ZNF512: variants seen among roughly 807,000 people sequenced by gnomAD.
ZNF512 encodes the protein zinc finger protein 512.
In ZNF512, 25 loss-of-function variants were observed where a neutral mutation model predicts 77.5. The observed-to-expected ratio is 0.32, with a 90% confidence interval of 0.23 to 0.45. The LOEUF (loss-of-function observed/expected upper bound fraction) is 0.45, where lower values mean the gene tolerates loss of function less well. Ranked by LOEUF, ZNF512 falls within the 20% of genes least tolerant of loss-of-function variation. ZNF512 has a pLI of 1.00. For synonymous variants in ZNF512, 246 were observed against 239.9 expected, an observed-to-expected ratio of 1.03 and a Z score of -0.24; for missense variants, 483 against 692.6, an observed-to-expected ratio of 0.70 and a Z score of 3.40.
intron 2 of ZNF512, among the ~76,000 whole-genome samples, chr2:27,585,448 T>A (rs1671285002): frequency 6.6e-6 from 1 of 152,230 alleles, no homozygotes; most frequent in South Asian, 2.1e-4. Flanking sequence ...CCCCCATCCA[T>A]TAACCAGATT....
At chr2:27,604,912 C>G (rs1414628294) in intron 9 of ZNF512, among the ~76,000 whole-genome samples, 1 of 152,346 alleles carries the variant, frequency 6.6e-6, no homozygotes, top group East Asian at 1.9e-4. Flanking sequence ...TAGTTTTACC[C>G]TTTTCAGAAT....
chr2:27,603,222 A>C lies in ZNF512; in HGVS notation c.851A>C (p.Lys284Thr), dbSNP rs1253496434. ...KCGKGAAELE[K>T]MTLKCHHCGK... ...GGCAAAGGGGCTGCAGAGCTGGAAA[A>C]GATGACCCTGAAATGTCACCACTGT... The change falls in exon 9 of 14, where the codon AAG (lysine) becomes ACG (threonine). Residue 284 changes from lysine to threonine, a missense_variant. Around this residue, in one of 2 missense-constraint regions of ZNF512, gnomAD observed 324 missense variants for 525.0 expected, o/e 0.62. Coordinates refer to ENST00000355467, the MANE Select transcript of ZNF512 (RefSeq NM_032434.4). The C allele has an allele frequency of 6.2e-7, 1 of 1,614,204 alleles. No homozygotes were observed. The highest frequency in any genetic ancestry group is 2.2e-5 in the East Asian group (1 of 44,878).
At chr2:27,602,607 C>G (rs1672169548) in intron 8 of ZNF512, 46 bp downstream of exon 8, 1 of 1,520,070 alleles carries the variant, frequency 6.6e-7, no homozygotes, top group African/African-American at 1.4e-5. Context: ...ATTCTCAGGT[C>G]AATGTCTTTC....
chr2:27,621,016 C>A (rs553688317), intron 13 of ZNF512, 137 bp from the exon 14 acceptor site: 6 of 919,740 alleles, frequency 6.5e-6, no homozygotes, highest in Non-Finnish European at 9.7e-6. Flanking sequence ...ATATAGAATC[C>A]TGAGGTATGG....
chr2:27,606,087 T>G (rs1472220246), intron 9 of ZNF512, among the ~76,000 whole-genome samples: 1 of 3,438 alleles, frequency 2.9e-4, no homozygotes, highest in Non-Finnish European at 0.012. Flanking sequence ...TGACCATCTT[T>G]GCATGTGCTT....
In ZNF512 at chr2:27,599,676, A is replaced by G; in HGVS notation, c.371A>G (p.Tyr124Cys). Residue 124 changes from tyrosine (Y) to cysteine (C), a missense_variant and splice_region_variant, in exon 4 of 14, where the codon TAT (tyrosine) becomes TGT (cysteine). Physicochemically the swap from Tyr to Cys is radical, Grantham distance 194. This residue lies in a region of ZNF512 where 159 missense variants were observed against 167.5 expected (regional missense o/e 0.95). Transcript: ENST00000355467. ...REFPQKKHKL[Y>C]GRKQRPKTQP... is the part of the protein sequence containing the mutation. ...TTTCCTCAGAAGAAGCATAAGCTTT[A>G]TGGTAAGGCAGTAACTTTGCTACTT... 6.2e-7 allele frequency: 1 copy of G among 1,613,146 alleles called. No individual in the cohort carries two copies. The highest frequency in any genetic ancestry group is 8.5e-7 in the Non-Finnish European group (1 of 1,179,116).
chr2:27,600,900 T>A, intron 6 of ZNF512, 85 bp downstream of exon 6: 1 of 1,497,592 alleles, frequency 6.7e-7, no homozygotes, highest in Non-Finnish European at 9.0e-7. Flanking sequence ...ATGCTGGTTA[T>A]AATGGATGAA....
intron 9 of ZNF512, among the ~76,000 whole-genome samples, chr2:27,605,305 T>C (rs1672303668): frequency 6.6e-6 from 1 of 151,724 alleles, no homozygotes; most frequent in Non-Finnish European, 1.5e-5. Flanking sequence ...ATACAAAAAT[T>C]AGCTGGGTGT....
At chr2:27,610,760 A>G (rs1260188001) in intron 10 of ZNF512, among the ~76,000 whole-genome samples, 2 of 149,004 alleles carry the variant, frequency 1.3e-5, no homozygotes, top group Non-Finnish European at 3.0e-5. Context: ...TTTTGTAGAG[A>G]TGGGTTTTGC....
rs915571505 is a variant in ZNF512 at position 27,615,159 on chromosome 2, G to A, written c.1132-9G>A. On this transcript the variant is annotated splice_polypyrimidine_tract_variant and intron_variant, in intron 10 of 13. Transcript: ENST00000355467. ...TTTATCTAATGTTTCTGGTTGTCTT[G>A]TCTTGTAGTTAAAATATACTCGTCC... The A allele has an allele frequency of 2.6e-6, 4 of 1,541,656 alleles. No homozygotes were observed. In the African/African-American group the frequency reaches 4.2e-5, roughly 16 times the overall value.
chr2:27,595,308 T>C (rs556992950), intron 2 of ZNF512, among the ~76,000 whole-genome samples: 18 of 150,636 alleles, frequency 1.2e-4, no homozygotes, highest in South Asian at 8.4e-4. Flanking sequence ...CTTTTCTTTT[T>C]TTTTTTTTTT....
chr2:27,606,975 C>T (rs1672393922), intron 9 of ZNF512, among the ~76,000 whole-genome samples: 1 of 152,076 alleles, frequency 6.6e-6, no homozygotes, highest in Non-Finnish European at 1.5e-5. Flanking sequence ...CACCTGCATT[C>T]CCTGGCTCAT....
chr2:27,611,431 C>T (rs1392904119), intron 10 of ZNF512, among the ~76,000 whole-genome samples: 1 of 152,068 alleles, frequency 6.6e-6, no homozygotes, highest in Non-Finnish European at 1.5e-5. Context: ...CAGTGGTATT[C>T]TTGGCAAGAA....
In ZNF512 at chr2:27,583,058, G is replaced by T; in HGVS notation, c.-55G>T. The T allele has an allele frequency of 6.2e-7, 1 of 1,609,224 alleles. No individual in the cohort carries two copies. Among genetic ancestry groups the T allele is most frequent in the East Asian group, 2.2e-5 (1 of 44,858 alleles). On this transcript the variant is annotated 5_prime_UTR_variant, in exon 1 of 14. Transcript: ENST00000355467. ...ACATCCGGGAGAGGAGAGCGGAAGTGGCGTTGGTCTGGCCGGAGCCCTTGG... is the reference window on the plus strand; with the variant it reads ...ACATCCGGGAGAGGAGAGCGGAAGTTGCGTTGGTCTGGCCGGAGCCCTTGG...
At chr2:27,607,429 G>A (rs559592010) in intron 9 of ZNF512, among the ~76,000 whole-genome samples, 5 of 151,494 alleles carry the variant, frequency 3.3e-5, no homozygotes, top group South Asian at 2.1e-4. Context: ...ATGTAGTGGC[G>A]CAATCTTCAC....
At chr2:27,587,033 A>G (rs1671360365) in intron 2 of ZNF512, among the ~76,000 whole-genome samples, 1 of 152,178 alleles carries the variant, frequency 6.6e-6, no homozygotes, top group African/African-American at 2.4e-5. Context: ...ACGTTCATGT[A>G]CAAGTCTTGT....
In ZNF512 at chr2:27,608,012, T is replaced by C; in HGVS notation, c.1104T>C (p.Leu368=). ...LAKEWPKRKV[L]QDLVPDDRKL... is the part of the protein sequence containing the mutation. ...AGGAATGGCCCAAGAGGAAGGTGCT[T>C]CAGGACCTGGTACCTGATGATCGAA... is the stretch of plus-strand genomic sequence containing the variant. The change falls in exon 10 of 14, where the codon CTT becomes CTC. Residue 368 remains leucine, a synonymous_variant. Transcript: ENST00000355467. 1 of 1,592,470 alleles carries C rather than the reference T, an allele frequency of 6.3e-7. No homozygotes were observed. The highest frequency in any genetic ancestry group is 2.2e-5 in the East Asian group (1 of 44,690).
intron 6 of ZNF512, 143 bp from the exon 7 acceptor site, chr2:27,601,213 A>C: frequency 1.6e-6 from 1 of 621,098 alleles, no homozygotes. Context: ...AAGACATGAC[A>C]CTGAGTTTCT....
In ZNF512 at chr2:27,616,737, C is replaced by T. The variant is rs373841520; in HGVS notation, c.1296+413C>T. ...ATCCTCTATACCCATCTGAACCATA[C>T]TGGCCTCTCGGGATGGGAGGTGGGA... is the stretch of plus-strand genomic sequence containing the variant. On this transcript the variant is annotated intron_variant, in intron 12 of 13. Transcript: ENST00000355467. Among the ~76,000 whole-genome samples the T allele has an allele frequency of 2.0e-5, 3 of 152,342 alleles. No homozygotes were observed. The East Asian group carries it at 5.8e-4, about 29-fold the overall frequency.
Sources: allele counts gnomAD v4.1 joint callset (sites outside exome capture counted in the v4.1 genomes callset), GRCh38; gene constraint gnomAD v4.1.1; regional missense constraint gnomAD v4.1.1; transcripts MANE v1.5; gene names NCBI Gene and HGNC (gene_info 2026-07-23, HGNC 2026-07-21).